FUT8: variants seen among roughly 807,000 people sequenced by gnomAD.
The protein encoded by FUT8 is fucosyltransferase 8.
In FUT8, 29 loss-of-function variants were observed where a neutral mutation model predicts 71.3. That is an observed-to-expected ratio of 0.41 (90% CI 0.30 to 0.55). The LOEUF (loss-of-function observed/expected upper bound fraction) is 0.55. FUT8 is among the 20% of genes least tolerant of loss of function. The pLI is 0.34. For synonymous variants in FUT8, 254 were observed against 239.3 expected, an observed-to-expected ratio of 1.06 and a Z score of -0.57; for missense variants, 544 against 702.1, an observed-to-expected ratio of 0.77 and a Z score of 2.55.
chr14:65,568,324 A>G (rs755043649), intron 3 of FUT8, among the ~76,000 whole-genome samples: 9 of 151,330 alleles, frequency 5.9e-5, no homozygotes, highest in African/African-American at 2.2e-4. Context: ...CAGTTTATCA[A>G]TTTAATTTGC....
At chr14:65,391,542 G>C in the FUT8 span, among the ~76,000 whole-genome samples, 1 of 152,156 alleles carries the variant, frequency 6.6e-6, no homozygotes, top group Non-Finnish European at 1.5e-5. Context: ...TTTTAGGAGA[G>C]ACGGGGTTTC....
chr14:65,404,029 C>A, the FUT8 span, among the ~76,000 whole-genome samples: 3 of 151,250 alleles, frequency 2.0e-5, no homozygotes, highest in Non-Finnish European at 2.9e-5. Flanking sequence ...TCTTGAGTAG[C>A]TGGGATTACA....
At chr14:65,659,267 T>C (rs907416964) in intron 6 of FUT8, among the ~76,000 whole-genome samples, 11 of 152,038 alleles carry the variant, frequency 7.2e-5, no homozygotes, top group African/African-American at 2.7e-4. Flanking sequence ...CAGTGTATTT[T>C]TCATGTATGG....
At chr14:65,357,521 T>C in the FUT8 span, among the ~76,000 whole-genome samples, 1 of 152,186 alleles carries the variant, frequency 6.6e-6, no homozygotes, top group Non-Finnish European at 1.5e-5. Flanking sequence ...GTGGTTGAGA[T>C]ACCCCCTTAA....
intron 2 of FUT8, among the ~76,000 whole-genome samples, chr14:65,459,048 TG>T (rs1271352325): frequency 6.6e-6 from 1 of 152,174 alleles, no homozygotes; most frequent in Non-Finnish European, 1.5e-5. Flanking sequence ...CTCAGCCTCC[TG>T]AAGTGCTGGG....
intron 6 of FUT8, among the ~76,000 whole-genome samples, chr14:65,659,800 GAA>G (rs1443814201): frequency 6.6e-6 from 1 of 151,218 alleles, no homozygotes; most frequent in Non-Finnish European, 1.5e-5. Flanking sequence ...CTCCCTTTTT[GAA>G]AAGAGTACCT....
At chr14:65,644,429 T>C (rs1216374162) in intron 6 of FUT8, among the ~76,000 whole-genome samples, 1 of 151,932 alleles carries the variant, frequency 6.6e-6, no homozygotes, top group Non-Finnish European at 1.5e-5. Flanking sequence ...TAGCTGGGAC[T>C]ACAGGCGCCC....
At chr14:65,493,711 CTAT>C (rs2066517607) in intron 2 of FUT8, among the ~76,000 whole-genome samples, 1 of 151,906 alleles carries the variant, frequency 6.6e-6, no homozygotes, top group South Asian at 2.1e-4. Context: ...TCTTGCTGGG[CTAT>C]TGATTCTAGA....
At chr14:65,370,488 G>A in the FUT8 span, among the ~76,000 whole-genome samples, 12 of 151,600 alleles carry the variant, frequency 7.9e-5, no homozygotes, top group Non-Finnish European at 1.8e-4. Context: ...GATTACAGGC[G>A]TGAGCCATTG....
intron 1 of FUT8, among the ~76,000 whole-genome samples, chr14:65,428,064 T>C (rs1394494705): frequency 2.0e-5 from 3 of 152,224 alleles, no homozygotes; most frequent in African/African-American, 7.2e-5. Flanking sequence ...CCACCAAATA[T>C]ATAAACATGG....
chr14:65,394,750 C>CT, the FUT8 span, among the ~76,000 whole-genome samples: 1,201 of 132,556 alleles, frequency 9.1e-3, 33 homozygotes, highest in East Asian at 0.042. Context: ...GCAGTCAAAT[C>CT]TTTTTTTTTT....
At position 65,733,327 on chromosome 14, in the gene FUT8, G is replaced by C. The variant is rs773326696; in HGVS notation, c.1356G>C (p.Leu452=). 6.2e-7 allele frequency: 1 copy of C among 1,609,514 alleles called. No homozygotes were observed. Residue 452 remains leucine (L), a synonymous_variant, in exon 10 of 11, where the codon CTG becomes CTC. Coordinates refer to ENST00000673929, the MANE Select transcript of FUT8 (RefSeq NM_001371533.1). ...AAAATTCACTTCGTGGAGTGATCCTGGATATACATTTTCTCTCTCAGGCAG... is the reference window on the plus strand; with the variant it reads ...AAAATTCACTTCGTGGAGTGATCCTCGATATACATTTTCTCTCTCAGGCAG... ...YTENSLRGVI[L]DIHFLSQADF... is the part of the protein sequence containing the mutation.
chr14:65,692,720 GC>G (rs1294194550), intron 7 of FUT8, among the ~76,000 whole-genome samples: 2 of 150,186 alleles, frequency 1.3e-5, no homozygotes, highest in Non-Finnish European at 3.0e-5. Context: ...CGGGGCGGCT[GC>G]CGGGCGGAGG....
intron 3 of FUT8, among the ~76,000 whole-genome samples, chr14:65,595,146 T>G (rs992397839): frequency 6.6e-6 from 1 of 152,176 alleles, no homozygotes; most frequent in Non-Finnish European, 1.5e-5. Flanking sequence ...TTTCATCTTA[T>G]GCATTAGAAT....
intron 5 of FUT8, among the ~76,000 whole-genome samples, chr14:65,622,648 A>G (rs1286292134): frequency 6.6e-6 from 1 of 152,138 alleles, no homozygotes; most frequent in Non-Finnish European, 1.5e-5. Flanking sequence ...GAGATAAGGG[A>G]GGCAATAAGG....
At chr14:65,598,757 A>AG (rs1888138801) in intron 3 of FUT8, among the ~76,000 whole-genome samples, 2 of 152,162 alleles carry the variant, frequency 1.3e-5, no homozygotes, top group Admixed American at 6.5e-5. Flanking sequence ...TTAGAAGTTA[A>AG]GTAAAAATTT....
chr14:65,541,234 A>G (rs569971769), intron 2 of FUT8, among the ~76,000 whole-genome samples: 1 of 152,310 alleles, frequency 6.6e-6, no homozygotes, highest in Non-Finnish European at 1.5e-5. Context: ...AAGATGCGTA[A>G]TTGTCAGGGT....
At chr14:65,368,030 A>G in the FUT8 span, among the ~76,000 whole-genome samples, 1 of 151,756 alleles carries the variant, frequency 6.6e-6, no homozygotes, top group Non-Finnish European at 1.5e-5. Context: ...AAAAAAAGTA[A>G]AAGAACATAG....
chr14:65,711,723 T>A (rs1315195163), intron 7 of FUT8, among the ~76,000 whole-genome samples: 1 of 152,168 alleles, frequency 6.6e-6, no homozygotes, highest in Non-Finnish European at 1.5e-5. Context: ...CTAGATGAAC[T>A]GCAGTACTGA....
Sources: allele counts gnomAD v4.1 joint callset (sites outside exome capture counted in the v4.1 genomes callset), GRCh38; gene constraint gnomAD v4.1.1; transcripts MANE v1.5; gene names NCBI Gene and HGNC (gene_info 2026-07-23, HGNC 2026-07-21).